Variants in ZNF141 observed in about 807,000 individuals in gnomAD.
ZNF141 encodes the protein zinc finger protein 141.
ZNF141 carries 7 observed loss-of-function variants against 11.3 expected under a neutral mutation model. The observed-to-expected ratio is 0.62, with a 90% CI of 0.35 to 1.16. The LOEUF is 1.16. ZNF141 is among the 50% of genes most tolerant of loss of function. The pLI is 0.02. For missense variants in ZNF141, 535 were observed against 554.0 expected, an observed-to-expected ratio of 0.97 and a Z score of 0.34; for synonymous variants, 183 against 190.7, an observed-to-expected ratio of 0.96 and a Z score of 0.33.
chr4:371,556 G>GTGTGTT (rs1712064105), intron 3 of ZNF141, among the ~76,000 whole-genome samples: 1 of 148,898 alleles, frequency 6.7e-6, no homozygotes, highest in Non-Finnish European at 1.5e-5. Flanking sequence ...GTGTGTGTGT[G>GTGTGTT]TGTGTCAGAG....
Position 358,940 on chromosome 4 carries a change from T to C in ZNF141, c.227-13724T>C, listed in dbSNP as rs1721983180. Among the ~76,000 whole-genome samples the C allele has an allele frequency of 2.6e-5, 4 of 152,218 alleles. 1 individual carries two copies. Among genetic ancestry groups the C allele is most frequent in the African/African-American group, 9.6e-5 (4 of 41,466 alleles). The stretch of plus-strand genomic sequence containing the variant: ...TTAGACATTTTCTAGATCTGTGTTT[T>C]ATTGTTAGTTGTTCCTGGAGCATTT... On this transcript the variant is annotated intron_variant, in intron 3 of 3. Transcript: ENST00000240499.
Position 380,951 on chromosome 4 carries a change from A to G in ZNF141, c.*7089A>G, listed in dbSNP as rs1553855497. Among the ~76,000 whole-genome samples, 1 of 152,182 alleles carries G rather than the reference A, an allele frequency of 6.6e-6. No homozygotes were observed. Among genetic ancestry groups the G allele is most frequent in the Non-Finnish European group, 1.5e-5 (1 of 68,036 alleles). ...GAAATACTTCCTGTATTTAAACCAT[A>G]TAAACTCTAGAATTGCCCTTCGATA... On this transcript the variant is annotated 3_prime_UTR_variant, in exon 4 of 4. Coordinates refer to ENST00000240499, the MANE Select transcript of ZNF141 (RefSeq NM_003441.4).
At chr4:342,779 A>G in intron 1 of ZNF141, 1 of 1,534,508 alleles carries the variant, frequency 6.5e-7, no homozygotes. Flanking sequence ...TTGTTGTCCC[A>G]GATTTATTGA....
intron 3 of ZNF141, among the ~76,000 whole-genome samples, chr4:356,428 C>T (rs1222505828): frequency 6.6e-6 from 1 of 151,638 alleles, no homozygotes; most frequent in Non-Finnish European, 1.5e-5. Flanking sequence ...CAGATTCAAG[C>T]GATTCTCCTG....
chr4:366,516 C>T (rs1553852939), intron 3 of ZNF141, among the ~76,000 whole-genome samples: 1 of 152,082 alleles, frequency 6.6e-6, no homozygotes, highest in Admixed American at 6.6e-5. Context: ...GTTGGTCAGG[C>T]TGCTCTCGAA....
chr4:363,632 C>A (rs782338860), intron 3 of ZNF141, among the ~76,000 whole-genome samples: 1 of 152,042 alleles, frequency 6.6e-6, no homozygotes, highest in African/African-American at 2.4e-5. Context: ...GTGGCAGGCA[C>A]CTGGAGTCCC....
intron 3 of ZNF141, among the ~76,000 whole-genome samples, chr4:355,355 A>G (rs1037539830): frequency 2.6e-5 from 4 of 151,752 alleles, no homozygotes; most frequent in African/African-American, 4.8e-5. Context: ...ACAGGTGCCC[A>G]CCATCACGTC....
intron 3 of ZNF141, 42 bp downstream of exon 3, chr4:344,472 C>G (rs1553849172): frequency 1.9e-6 from 3 of 1,552,518 alleles, no homozygotes; most frequent in East Asian, 2.3e-5. Flanking sequence ...GGCAAGGGGA[C>G]CAAAGGTCAA....
At chr4:354,387 G>A (rs1273076305) in intron 3 of ZNF141, among the ~76,000 whole-genome samples, 1 of 152,168 alleles carries the variant, frequency 6.6e-6, no homozygotes, top group Non-Finnish European at 1.5e-5. Flanking sequence ...AAAGTTTTTG[G>A]GTGTGGTTAT....
intron 3 of ZNF141, among the ~76,000 whole-genome samples, chr4:346,831 A>G (rs1432235665): frequency 6.7e-6 from 1 of 148,476 alleles, no homozygotes; most frequent in Non-Finnish European, 1.5e-5. Context: ...TGTCCTGTGT[A>G]TGTGTGTGTA....
At chr4:349,697 A>G (rs899202194) in intron 3 of ZNF141, among the ~76,000 whole-genome samples, 4 of 152,210 alleles carry the variant, frequency 2.6e-5, no homozygotes, top group African/African-American at 9.6e-5. Context: ...TAGCTGGGTC[A>G]CAAGGGTGCT....
chr4:348,793 G>T (rs1315018771), intron 3 of ZNF141, among the ~76,000 whole-genome samples: 2 of 151,574 alleles, frequency 1.3e-5, no homozygotes, highest in Admixed American at 6.6e-5. Context: ...GATTGCTCAG[G>T]TTATTAAAAG....
At chr4:338,920 G>T (rs1273998787) in intron 1 of ZNF141, among the ~76,000 whole-genome samples, 3 of 152,226 alleles carry the variant, frequency 2.0e-5, no homozygotes, top group Non-Finnish European at 4.4e-5. Context: ...CGGGAGACCA[G>T]CCGGGTTCTG....
intron 3 of ZNF141, among the ~76,000 whole-genome samples, chr4:344,923 A>C (rs1721249306): frequency 6.6e-6 from 1 of 152,204 alleles, no homozygotes. Flanking sequence ...ATGCTGTTAA[A>C]TCCAAGAATT....
chr4:369,187 ACATT>A (rs1276654245), intron 3 of ZNF141, among the ~76,000 whole-genome samples: 1 of 152,154 alleles, frequency 6.6e-6, no homozygotes, highest in Non-Finnish European at 1.5e-5. Context: ...TCACACACAC[ACATT>A]AATATATGTA....
chr4:343,023 GATTAAAAAAGT>G, intron 1 of ZNF141: 2 of 572,616 alleles, frequency 3.5e-6, no homozygotes, highest in Non-Finnish European at 5.2e-6. Context: ...TTCCTTGCAT[GATTAAAAAAGT>G]ATTAAAAAAG....
intron 3 of ZNF141, chr4:358,312 C>A (rs889356340): frequency 3.9e-5 from 14 of 357,028 alleles, no homozygotes; most frequent in Non-Finnish European, 6.4e-5. Context: ...CTCCGCCTCC[C>A]AAGTAGCTGG....
At chr4:362,198 A>G (rs559961013) in intron 3 of ZNF141, among the ~76,000 whole-genome samples, 110 of 152,182 alleles carry the variant, frequency 7.2e-4, no homozygotes, top group African/African-American at 2.6e-3. Context: ...GTCTGTTCAT[A>G]TCCTTTGCCC....
rs887237485 is a variant in ZNF141, at chr4:372,866, A to G, written c.429A>G (p.Lys143=). 1.2e-6 allele frequency: 2 copies of G among 1,612,900 alleles called. No individual in the cohort carries two copies. Among genetic ancestry groups the G allele is most frequent in the African/African-American group, 2.7e-5 (2 of 74,890 alleles). ...AATGCTTGTCAACTACCCAGAGCAAAATACTTCAGTGTAAAGCAAGTGTCA... is the reference window on the plus strand; with the variant it reads ...AATGCTTGTCAACTACCCAGAGCAAGATACTTCAGTGTAAAGCAAGTGTCA... ...FNECLSTTQS[K]ILQCKASVKV... is the part of the protein sequence containing the mutation. Residue 143 remains lysine (K), a synonymous_variant, in exon 4 of 4, where the codon AAA becomes AAG. Coordinates refer to ENST00000240499, the MANE Select transcript of ZNF141 (RefSeq NM_003441.4).
Sources: allele counts gnomAD v4.1 joint callset (sites outside exome capture counted in the v4.1 genomes callset), GRCh38; gene constraint gnomAD v4.1.1; transcripts MANE v1.5; gene names NCBI Gene and HGNC (gene_info 2026-07-23, HGNC 2026-07-21).